The following MARCHF6 variants were observed in gnomAD, a reference collection of about 807,000 sequenced individuals.
MARCHF6 encodes the protein membrane associated ring-CH-type finger 6, also known as E3 ubiquitin-protein ligase MARCHF6.
Under a neutral mutation model 133.7 loss-of-function variants are expected in MARCHF6, and 31 were observed. The ratio of observed to expected loss-of-function variants is 0.23; its 90% CI spans 0.17 to 0.31. MARCHF6 has a LOEUF of 0.31. MARCHF6 is among the 10% of genes least tolerant of loss of function. The pLI, the probability that MARCHF6 is intolerant of heterozygous loss-of-function variation, is 1.00. For synonymous variants in MARCHF6, 395 were observed against 402.5 expected, an observed-to-expected ratio of 0.98 and a Z score of 0.22; for missense variants, 723 against 1,121.6, an observed-to-expected ratio of 0.64 and a Z score of 5.08.
At position 10,371,582 on chromosome 5, in the gene MARCHF6, G is replaced by C. The variant is rs1023145122; in HGVS notation, c.20-6216G>C. Among the ~76,000 whole-genome samples the C allele has an allele frequency of 2.6e-5, 4 of 152,204 alleles. No individual in the cohort carries two copies. In the East Asian group the frequency reaches 7.7e-4, roughly 29 times the overall value. On this transcript the variant is annotated intron_variant, in intron 1 of 25. Coordinates refer to ENST00000274140, the MANE Select transcript of MARCHF6 (RefSeq NM_005885.4). ...TCTCATGAGACTTATTCACTATCAC[G>C]AGAACAGCATTGCAAAGACTTGCCC...
chr5:10,424,188 A>T (rs958936006), intron 23 of MARCHF6, among the ~76,000 whole-genome samples: 1 of 152,186 alleles, frequency 6.6e-6, no homozygotes, highest in African/African-American at 2.4e-5. Context: ...AAGAATAATA[A>T]ATTTTTAGAG....
chr5:10,413,779 A>G (rs1561141652), intron 19 of MARCHF6, among the ~76,000 whole-genome samples: 1 of 152,134 alleles, frequency 6.6e-6, no homozygotes, highest in Non-Finnish European at 1.5e-5. Flanking sequence ...CCAGGAGAAC[A>G]GTATGGGGGA....
intron 6 of MARCHF6, among the ~76,000 whole-genome samples, chr5:10,391,030 T>C (rs1737800443): frequency 6.6e-6 from 1 of 152,260 alleles, no homozygotes; most frequent in African/African-American, 2.4e-5. Context: ...TGTTCTTATA[T>C]ACTAAAATTG....
At chr5:10,378,681 TA>T in intron 2 of MARCHF6, 77 bp from the exon 3 acceptor site, 1 of 919,452 alleles carries the variant, frequency 1.1e-6, no homozygotes, top group African/African-American at 1.7e-5. Flanking sequence ...ACATTTTTAA[TA>T]AAAACAATGT....
chr5:10,403,833 C>T (rs1274327249), intron 15 of MARCHF6, among the ~76,000 whole-genome samples: 1 of 152,100 alleles, frequency 6.6e-6, no homozygotes, highest in Non-Finnish European at 1.5e-5. Context: ...ATACTTTAGC[C>T]ATCCTCTAAT....
At chr5:10,389,494 C>T (rs1230294808) in intron 5 of MARCHF6, among the ~76,000 whole-genome samples, 1 of 152,094 alleles carries the variant, frequency 6.6e-6, no homozygotes, top group African/African-American at 2.4e-5. Flanking sequence ...CCCCCGCCTC[C>T]TGGGTTCAAG....
chr5:10,407,538 G>C (rs1203139210), intron 17 of MARCHF6, among the ~76,000 whole-genome samples: 2 of 152,192 alleles, frequency 1.3e-5, no homozygotes, highest in Non-Finnish European at 2.9e-5. Flanking sequence ...TAATGAGAGT[G>C]TATTAGCATC....
At position 10,381,938 on chromosome 5, in the gene MARCHF6, C is replaced by T. The variant is rs748408127; in HGVS notation, c.329C>T (p.Thr110Ile). 6.2e-7 allele frequency: 1 copy of T among 1,612,976 alleles called. No individual in the cohort carries two copies. Among genetic ancestry groups the T allele is most frequent in the East Asian group, 2.2e-5 (1 of 44,830 alleles). ...GCATGGTTGGGAGTTGTTCCTCTTA[C>T]AGCATGTGAGTATTCATGCCTCTGA... ...AFAWLGVVPL[T>I]ACRIYKCLFT... The change falls in exon 4 of 26, where the codon ACA (threonine) becomes ATA (isoleucine). Residue 110 changes from threonine (T) to isoleucine (I), a missense_variant. Physicochemically the swap from Thr to Ile is moderately conservative, Grantham distance 89. Coordinates refer to ENST00000274140, the MANE Select transcript of MARCHF6 (RefSeq NM_005885.4).
At chr5:10,408,310 C>T (rs1350049249) in intron 17 of MARCHF6, among the ~76,000 whole-genome samples, 2 of 152,150 alleles carry the variant, frequency 1.3e-5, no homozygotes, top group Non-Finnish European at 2.9e-5. Context: ...GTGATATATA[C>T]ACCATTTAGA....
chr5:10,402,563 G>C lies in MARCHF6; in HGVS notation c.1153G>C (p.Val385Leu). ...VSLLVVVEIG[V>L]FPLICGWWLD... ...TTTGTTAGTGGTGGTAGAAATTGGAGTATTCCCTCTCATTTGTGGTTGGTG... is the reference window on the plus strand; with the variant it reads ...TTTGTTAGTGGTGGTAGAAATTGGACTATTCCCTCTCATTTGTGGTTGGTG... The change falls in exon 14 of 26, where the codon GTA becomes CTA. Residue 385 changes from valine to leucine, a missense_variant. Around this residue, in one of 4 missense-constraint regions of MARCHF6, gnomAD observed 492 missense variants for 699.5 expected, o/e 0.70. Transcript: ENST00000274140. 5 of 1,613,904 alleles carry C rather than the reference G, an allele frequency of 3.1e-6. No individual in the cohort carries two copies. The highest frequency in any genetic ancestry group is 3.4e-6 in the Non-Finnish European group (4 of 1,179,862).
intron 7 of MARCHF6, among the ~76,000 whole-genome samples, chr5:10,393,236 A>C (rs1737982031): frequency 1.3e-5 from 2 of 151,744 alleles, no homozygotes; most frequent in Admixed American, 1.3e-4. Flanking sequence ...CAGCTAATTT[A>C]GTTTTTGTTT....
In MARCHF6 at chr5:10,403,394, T is replaced by C; in HGVS notation, c.1198-13T>C. 1 of 1,608,360 alleles carries C rather than the reference T, an allele frequency of 6.2e-7. No individual in the cohort carries two copies. The highest frequency in any genetic ancestry group is 8.5e-7 in the Non-Finnish European group (1 of 1,177,996). ...GGGCACAGATTTCTCTTACCTGTCC[T>C]CTTTTGTCTCAGGAAATGTTTGATG... On this transcript the variant is annotated splice_polypyrimidine_tract_variant and intron_variant, in intron 14 of 25. Transcript: ENST00000274140.
intron 1 of MARCHF6, among the ~76,000 whole-genome samples, chr5:10,376,016 C>T (rs916377764): frequency 2.0e-5 from 3 of 152,198 alleles, no homozygotes; most frequent in African/African-American, 7.2e-5. Flanking sequence ...CCAATCAGCA[C>T]CCTGTCAAAA....
intron 15 of MARCHF6, 123 bp from the exon 16 acceptor site, chr5:10,405,435 T>C: frequency 2.7e-6 from 2 of 751,184 alleles, no homozygotes; most frequent in Non-Finnish European, 4.0e-6. Flanking sequence ...CATGTACATT[T>C]TCTGGGGCCC....
chr5:10,364,477 C>G (rs923874404), intron 1 of MARCHF6, among the ~76,000 whole-genome samples: 2 of 152,158 alleles, frequency 1.3e-5, no homozygotes, highest in Non-Finnish European at 2.9e-5. Context: ...TTAGATATCC[C>G]TCCAGCACCC....
At chr5:10,424,844 C>T (rs1342679382) in intron 23 of MARCHF6, among the ~76,000 whole-genome samples, 3 of 152,130 alleles carry the variant, frequency 2.0e-5, no homozygotes, top group African/African-American at 7.2e-5. Flanking sequence ...ACAGAACTGC[C>T]AGATAATTTG....
chr5:10,380,585 C>T (rs1737074616), intron 3 of MARCHF6, among the ~76,000 whole-genome samples: 1 of 152,012 alleles, frequency 6.6e-6, no homozygotes, highest in Admixed American at 6.6e-5. Flanking sequence ...TCTTGTATAC[C>T]AGATATCCTA....
intron 5 of MARCHF6, among the ~76,000 whole-genome samples, chr5:10,389,963 T>C (rs1280042911): frequency 1.3e-5 from 2 of 152,236 alleles, no homozygotes; most frequent in Non-Finnish European, 1.5e-5. Context: ...ATAAATTTAA[T>C]GCATGGCCTT....
At chr5:10,417,928 A>G (rs1377924334) in intron 22 of MARCHF6, among the ~76,000 whole-genome samples, 2 of 152,154 alleles carry the variant, frequency 1.3e-5, no homozygotes, top group African/African-American at 4.8e-5. Context: ...GTTACTAACC[A>G]TTTAGTCTTC....
Sources: allele counts gnomAD v4.1 joint callset (sites outside exome capture counted in the v4.1 genomes callset), GRCh38; gene constraint gnomAD v4.1.1; regional missense constraint gnomAD v4.1.1; transcripts MANE v1.5; gene names NCBI Gene and HGNC (gene_info 2026-07-23, HGNC 2026-07-21).